CSTF2: variants seen among roughly 807,000 people sequenced by gnomAD.
CSTF2 encodes the protein CF-1 64 kDa subunit.
In CSTF2, 8 loss-of-function variants were observed where a neutral mutation model predicts 45.4. That is an observed-to-expected ratio of 0.18 (90% CI 0.10 to 0.32). The LOEUF (loss-of-function observed/expected upper bound fraction) is 0.32. CSTF2 is among the 10% of genes least tolerant of loss of function. The pLI, the probability that CSTF2 is intolerant of heterozygous loss-of-function variation, is 1.00. For missense variants in CSTF2, 253 were observed against 477.1 expected (o/e 0.53, Z 4.38); for synonymous variants, 155 against 158.9 (o/e 0.98, Z 0.18).
At chrX:100,832,638 C>T in intron 9 of CSTF2, 96 bp from the exon 10 acceptor site, 3 of 734,106 alleles carry the variant, frequency 4.1e-6, no homozygotes, top group Admixed American at 3.8e-5. Flanking sequence ...TCATAGACTA[C>T]ATCAGCTCTT....
At chrX:100,820,700 T>C (rs1602363882) in intron 1 of CSTF2, 2 of 505,065 alleles carry the variant, frequency 4.0e-6, no homozygotes, top group African/African-American at 4.6e-5. Flanking sequence ...AGCGTTCAGC[T>C]TCTGTGCGTT....
At chrX:100,826,828 C>G in intron 7 of CSTF2, 71 bp downstream of exon 7, 2 of 1,037,628 alleles carry the variant, frequency 1.9e-6, no homozygotes, top group Non-Finnish European at 2.6e-6. Context: ...TGCAGTGCAG[C>G]CAAATATGAT....
chrX:100,831,282 C>T (rs1409664837), intron 8 of CSTF2, among the ~76,000 whole-genome samples: 3 of 111,759 alleles, frequency 2.7e-5, no homozygotes, highest in African/African-American at 9.8e-5. Context: ...CAGTGCTAGT[C>T]CTTGGCAGGT....
Position 100,824,130 on chromosome X carries a change from A to G in CSTF2, c.575A>G (p.His192Arg). 1 of 1,211,609 alleles carries G rather than the reference A, an allele frequency of 8.3e-7. No individual in the cohort carries two copies. The highest frequency in any genetic ancestry group is 1.1e-6 in the Non-Finnish European group (1 of 895,399). ...CTTTTCACTTTTTAGAAAATTCTGCATCGCCAGACAAATATCCCAACGCTG... is the reference window on the plus strand; with the variant it reads ...CTTTTCACTTTTTAGAAAATTCTGCGTCGCCAGACAAATATCCCAACGCTG... The part of the protein sequence containing the change: ...VDPEIALKIL[H>R]RQTNIPTLIA... The change falls in exon 6 of 14, where the codon CAT becomes CGT. Residue 192 changes from histidine (H) to arginine (R), a missense_variant. Physicochemically the swap from His to Arg is conservative, Grantham distance 29. This residue lies in a region of CSTF2 where 200 missense variants were observed against 294.0 expected (regional missense o/e 0.68). Coordinates refer to ENST00000372972, the MANE Select transcript of CSTF2 (RefSeq NM_001325.3).
intron 1 of CSTF2, chrX:100,820,678 G>C: frequency 3.8e-6 from 2 of 519,691 alleles, no homozygotes; most frequent in South Asian, 5.0e-5. Context: ...ATATCAGTGG[G>C]GAAGTTAGAC....
chrX:100,838,699 G>A (rs1465730631), intron 13 of CSTF2, among the ~76,000 whole-genome samples: 3 of 111,661 alleles, frequency 2.7e-5, no homozygotes, highest in African/African-American at 9.8e-5. Flanking sequence ...AATATAGTTT[G>A]GTGTGTATCC....
At chrX:100,832,154 T>C (rs747183362) in intron 9 of CSTF2, among the ~76,000 whole-genome samples, 1 of 111,309 alleles carries the variant, frequency 9.0e-6, no homozygotes, top group African/African-American at 3.3e-5. Flanking sequence ...GAGGTGGAGG[T>C]TGCAGTGAGC....
intron 8 of CSTF2, among the ~76,000 whole-genome samples, chrX:100,831,232 G>T (rs181592223): frequency 9.0e-6 from 1 of 111,513 alleles, no homozygotes; most frequent in Admixed American, 9.5e-5. Context: ...AACTAAGATT[G>T]ATTAGAAGGA....
In CSTF2 at chrX:100,826,739, G is replaced by A. The variant is rs764339021; in HGVS notation, c.808G>A (p.Gly270Ser). The A allele has an allele frequency of 1.4e-4, 173 of 1,208,093 alleles. No individual in the cohort carries two copies. Among genetic ancestry groups the A allele is most frequent in the Non-Finnish European group, 1.9e-4 (169 of 894,264 alleles). The stretch of plus-strand genomic sequence containing the variant: ...AGCTGCTGTCACAGGACCTGGCCCT[G>A]GTTCCTTAGCTCCTGGAGGTAAGTT... ...MPAAVTGPGP[G>S]SLAPGGGMQA... The change falls in exon 7 of 14, where the codon GGT becomes AGT. Residue 270 changes from glycine (G) to serine (S), a missense_variant. This residue lies in a region of CSTF2 where 200 missense variants were observed against 294.0 expected (regional missense o/e 0.68). Coordinates refer to ENST00000372972, the MANE Select transcript of CSTF2 (RefSeq NM_001325.3).
chrX:100,840,585 ATCTG>A (rs1384330225), intron 13 of CSTF2, 125 bp from the exon 14 acceptor site: 1 of 111,322 alleles, frequency 9.0e-6, no homozygotes, highest in Non-Finnish European at 1.9e-5. Context: ...TACTTTGCAA[ATCTG>A]TCCTGGTGAT....
rs186385917 is a variant in CSTF2 at position 100,820,406 on chromosome X, T to C, written c.-11T>C. On this transcript the variant is annotated 5_prime_UTR_variant, in exon 1 of 14. Coordinates refer to ENST00000372972, the MANE Select transcript of CSTF2 (RefSeq NM_001325.3). ...GTGCTTTGGCGCACCGGAAGCCGAC[T>C]CAACAGAGCTATGGCGGGTTTGACT... The C allele has an allele frequency of 3.5e-4, 420 of 1,210,350 alleles. 2 individuals carry two copies. The East Asian group carries it at 0.011, about 33-fold the overall frequency.
intron 4 of CSTF2, among the ~76,000 whole-genome samples, 162 bp from the exon 5 acceptor site, chrX:100,823,724 C>G (rs1305125498): frequency 8.9e-6 from 1 of 112,034 alleles, no homozygotes; most frequent in African/African-American, 3.2e-5. Context: ...TTTGAAATGC[C>G]TCTTTCTTCT....
chrX:100,834,237 G>C (rs929327516), intron 11 of CSTF2, among the ~76,000 whole-genome samples: 1 of 110,818 alleles, frequency 9.0e-6, no homozygotes, highest in African/African-American at 3.3e-5. Flanking sequence ...CTTCCTCTGC[G>C]TACTTCTCTC....
At position 100,823,322 on chromosome X, in the gene CSTF2, C is replaced by T. The variant is rs2084928918; in HGVS notation, c.338C>T (p.Ser113Leu). The T allele has an allele frequency of 8.3e-7, 1 of 1,210,344 alleles. No homozygotes were observed. Among genetic ancestry groups the T allele is most frequent in the East Asian group, 3.0e-5 (1 of 33,823 alleles). ...GGCACTGGTGCCCCTGTCATTGAGT[C>T]ACCTTATGGAGAGACCATCAGTCCT... ...SLGTGAPVIE[S>L]PYGETISPED... The change falls in exon 4 of 14, where the codon TCA (serine) becomes TTA (leucine). Residue 113 changes from serine to leucine, a missense_variant. Physicochemically the swap from Ser to Leu is moderately radical, Grantham distance 145 (BLOSUM62 -2). Around this residue, in one of 3 missense-constraint regions of CSTF2, gnomAD observed 45 missense variants for 147.5 expected, o/e 0.31. Coordinates refer to ENST00000372972, the MANE Select transcript of CSTF2 (RefSeq NM_001325.3).
intron 8 of CSTF2, 97 bp from the exon 9 acceptor site, chrX:100,831,418 A>G: frequency 3.0e-6 from 3 of 1,005,297 alleles, no homozygotes; most frequent in Admixed American, 2.2e-5. Flanking sequence ...CACCCACTCT[A>G]AGGTGTCTGA....
Position 100,833,288 on chromosome X carries a change from C to T in CSTF2, c.1316C>T (p.Ala439Val), listed in dbSNP as rs755909511. Residue 439 changes from alanine to valine, a missense_variant, in exon 11 of 14, where the codon GCG becomes GTG. Physicochemically the swap from Ala to Val is moderately conservative, Grantham distance 64. This residue lies in a region of CSTF2 where 200 missense variants were observed against 294.0 expected (regional missense o/e 0.68). Transcript: ENST00000372972. ...GLEARAMEAR[A>V]MEARAMEARA... Reference sequence around the variant, plus strand: ...GAGGCCCGTGCAATGGAGGCCCGTGCGATGGAAGCTCGTGCAATGGAGGCC... The same window carrying T: ...GAGGCCCGTGCAATGGAGGCCCGTGTGATGGAAGCTCGTGCAATGGAGGCC... The T allele has an allele frequency of 3.0e-5, 36 of 1,206,578 alleles. No homozygotes were observed. The highest frequency in any genetic ancestry group is 3.6e-5 in the Non-Finnish European group (32 of 893,895).
At chrX:100,835,444 G>T (rs751268898) in intron 11 of CSTF2, among the ~76,000 whole-genome samples, 7 of 110,194 alleles carry the variant, frequency 6.4e-5, no homozygotes, top group Non-Finnish European at 1.1e-4. Flanking sequence ...TGTCTCCCCT[G>T]TGGCCCTCTA....
intron 8 of CSTF2, chrX:100,830,681 C>T (rs1294590029): frequency 6.0e-6 from 3 of 501,623 alleles, no homozygotes; most frequent in African/African-American, 2.4e-5. Context: ...TGGAGCAAGC[C>T]GATGAACTCT....
At chrX:100,820,808 C>CGT (rs1415900357) in intron 1 of CSTF2, among the ~76,000 whole-genome samples, 23 of 112,071 alleles carry the variant, frequency 2.1e-4, no homozygotes, top group African/African-American at 7.5e-4. Flanking sequence ...CCCCAGAATA[C>CGT]AGACTATATG....
Sources: allele counts gnomAD v4.1 joint callset (sites outside exome capture counted in the v4.1 genomes callset), GRCh38; gene constraint gnomAD v4.1.1; regional missense constraint gnomAD v4.1.1; transcripts MANE v1.5; gene names NCBI Gene and HGNC (gene_info 2026-07-23, HGNC 2026-07-21).